Variants in CEP350 observed in about 807,000 individuals in gnomAD.
The protein encoded by CEP350 is centrosome-associated protein 350.
Under a neutral mutation model 331.8 loss-of-function variants are expected in CEP350, and 126 were observed. The ratio of observed to expected loss-of-function variants is 0.38; its 90% CI spans 0.33 to 0.44. The LOEUF is 0.44. Among genes scored for constraint, CEP350 ranks in the 20% least tolerant of loss-of-function variants. CEP350 has a pLI of 1.00. For missense variants in CEP350, 3,406 were observed against 3,634.6 expected (o/e 0.94, Z 1.62); for synonymous variants, 1,200 against 1,259.5 (o/e 0.95, Z 1.00).
At chr1:179,963,355 T>G (rs1650771547) in intron 1 of CEP350, among the ~76,000 whole-genome samples, 9 of 152,156 alleles carry the variant, frequency 5.9e-5, no homozygotes, top group Admixed American at 5.9e-4. Flanking sequence ...GCATTTGCCT[T>G]TGAGGTTTTA....
At chr1:179,993,238 TA>T (rs1206482258) in intron 5 of CEP350, among the ~76,000 whole-genome samples, 2 of 151,582 alleles carry the variant, frequency 1.3e-5, no homozygotes, top group African/African-American at 2.4e-5. Context: ...AGTTCAGAGT[TA>T]AAAAAAAGAA....
At chr1:180,045,621 A>C (rs1288393273) in intron 21 of CEP350, among the ~76,000 whole-genome samples, 1 of 152,196 alleles carries the variant, frequency 6.6e-6, no homozygotes, top group Non-Finnish European at 1.5e-5. Context: ...CTTTACTGAC[A>C]CCTTCACTGA....
rs1257880958 is a variant in CEP350 at position 180,020,296 on chromosome 1, G to A, written c.2522G>A (p.Ser841Asn). Residue 841 changes from serine to asparagine, a missense_variant, in exon 12 of 38, where the codon AGT becomes AAT. Around this residue, in one of 5 missense-constraint regions of CEP350, gnomAD observed 1,857 missense variants for 1,909.2 expected, o/e 0.97. Transcript: ENST00000367607. ...TAASLSSRIE[S>N]EAKKLAGASI... is the part of the protein sequence containing the mutation. ...GCTTCTTTGTCCAGCAGAATTGAAA[G>A]TGAAGCCAAGAAATTAGCTGGGGCC... 1 of 1,614,022 alleles carries A rather than the reference G, an allele frequency of 6.2e-7. No individual in the cohort carries two copies.
intron 6 of CEP350, chr1:180,000,366 CAG>C (rs1491450331): frequency 6.8e-6 from 1 of 148,064 alleles, no homozygotes; most frequent in Non-Finnish European, 1.5e-5. Context: ...AAAGTTTTTA[CAG>C]TTTATTAATC....
In CEP350 at chr1:179,972,155, C is replaced by T. The variant is rs552808143; in HGVS notation, c.-13-14014C>T. Reference sequence around the variant, plus strand: ...TGTGCCTTTCAGATTTCTAAATAAGCAGTTTGATATGTGGGTTAGGATATT... The same window carrying T: ...TGTGCCTTTCAGATTTCTAAATAAGTAGTTTGATATGTGGGTTAGGATATT... On this transcript the variant is annotated intron_variant, in intron 1 of 37. Transcript: ENST00000367607. Among the ~76,000 whole-genome samples, 3 of 152,070 alleles carry T rather than the reference C, an allele frequency of 2.0e-5. No individual in the cohort carries two copies. In the East Asian group the frequency reaches 5.8e-4, roughly 29 times the overall value.
At chr1:180,022,439 A>G (rs2148841487) in intron 12 of CEP350, among the ~76,000 whole-genome samples, 1 of 152,242 alleles carries the variant, frequency 6.6e-6, no homozygotes, top group South Asian at 2.1e-4. Context: ...TTGGTGATGT[A>G]TTGGTCATTG....
chr1:179,964,392 G>A (rs1333948880), intron 1 of CEP350, among the ~76,000 whole-genome samples: 2 of 152,032 alleles, frequency 1.3e-5, no homozygotes, highest in Non-Finnish European at 2.9e-5. Flanking sequence ...TAGAGGGGAT[G>A]CTTCTAACTT....
At chr1:179,993,563 G>C (rs936683259) in intron 5 of CEP350, among the ~76,000 whole-genome samples, 2 of 151,936 alleles carry the variant, frequency 1.3e-5, no homozygotes, top group Admixed American at 1.3e-4. Flanking sequence ...AGGCTTACAG[G>C]CGCTAGCTAC....
At chr1:180,050,887 A>AGCCT (rs1474361357) in intron 22 of CEP350, among the ~76,000 whole-genome samples, 1 of 152,192 alleles carries the variant, frequency 6.6e-6, no homozygotes, top group Non-Finnish European at 1.5e-5. Context: ...TATCAGAAAA[A>AGCCT]CAGACAATAA....
intron 33 of CEP350, 85 bp from the exon 34 acceptor site, chr1:180,092,529 T>C: frequency 1.0e-6 from 1 of 988,352 alleles, no homozygotes. Context: ...TTCACTAAAA[T>C]TTGGCTTTTC....
chr1:180,081,989 T>G (rs979653482), intron 30 of CEP350, among the ~76,000 whole-genome samples: 23 of 152,254 alleles, frequency 1.5e-4, no homozygotes, highest in Admixed American at 1.3e-3. Context: ...GAAAAATTAC[T>G]TCCAAGAGAA....
chr1:179,991,707 G>GTA lies in CEP350; in HGVS notation c.236-338_236-337dup, dbSNP rs756278179. Among the ~76,000 whole-genome samples, 277 of 96,942 alleles carry GTA rather than the reference G, an allele frequency of 2.9e-3. 3 individuals are homozygous for GTA. Among genetic ancestry groups the GTA allele is most frequent in the African/African-American group, 5.3e-3 (140 of 26,272 alleles). The allele number at this position is 96,942 out of a possible 152,430, so 63.6% of individuals were successfully genotyped here. ...TGTGTGTGTGTGTGTGTGTGTGTGT[G>GTA]TATATATATATATATATACATTTTT... On this transcript the variant is annotated intron_variant, in intron 4 of 37. Transcript: ENST00000367607.
intron 1 of CEP350, among the ~76,000 whole-genome samples, chr1:179,973,787 C>G (rs1218699797): frequency 6.6e-6 from 1 of 152,044 alleles, no homozygotes; most frequent in Non-Finnish European, 1.5e-5. Context: ...ATGTGAATTT[C>G]ATTTCCTTAT....
At chr1:180,055,546 C>A (rs200316715) in intron 25 of CEP350, among the ~76,000 whole-genome samples, 1 of 87,474 alleles carries the variant, frequency 1.1e-5, no homozygotes. Flanking sequence ...TGAATTCCAT[C>A]TTTTTTTTTT....
intron 17 of CEP350, 47 bp from the exon 18 acceptor site, chr1:180,041,090 TA>T (rs1656730469): frequency 1.4e-6 from 2 of 1,387,030 alleles, no homozygotes; most frequent in Admixed American, 2.0e-5. Flanking sequence ...GTCACTGTGT[TA>T]AAATAGTTTC....
At chr1:180,034,832 G>A (rs537253725) in intron 16 of CEP350, among the ~76,000 whole-genome samples, 52 of 152,068 alleles carry the variant, frequency 3.4e-4, no homozygotes, top group African/African-American at 1.2e-3. Flanking sequence ...TTAAAATTAG[G>A]CCAATTACTA....
intron 10 of CEP350, 75 bp from the exon 11 acceptor site, chr1:180,015,774 A>AAAGG: frequency 6.7e-7 from 1 of 1,499,616 alleles, no homozygotes; most frequent in Non-Finnish European, 9.0e-7. Context: ...GAGGTGACTT[A>AAAGG]ATGTTTAACT....
intron 25 of CEP350, among the ~76,000 whole-genome samples, chr1:180,059,740 C>G (rs1323889291): frequency 2.0e-5 from 3 of 151,758 alleles, no homozygotes; most frequent in Non-Finnish European, 4.4e-5. Context: ...AAGAAAGTAT[C>G]CCTGTCACTT....
chr1:180,110,391 C>T (rs1436909794), intron 37 of CEP350, among the ~76,000 whole-genome samples: 1 of 152,134 alleles, frequency 6.6e-6, no homozygotes, highest in East Asian at 1.9e-4. Flanking sequence ...GCAGCAGCAG[C>T]GAGCCACAGC....
Sources: allele counts gnomAD v4.1 joint callset (sites outside exome capture counted in the v4.1 genomes callset), GRCh38; gene constraint gnomAD v4.1.1; regional missense constraint gnomAD v4.1.1; transcripts MANE v1.5; gene names NCBI Gene and HGNC (gene_info 2026-07-23, HGNC 2026-07-21).